GALNT8: variants seen among roughly 807,000 people sequenced by gnomAD.
GALNT8 encodes the protein probable polypeptide N-acetylgalactosaminyltransferase 8.
GALNT8 carries 66 observed loss-of-function variants against 62.7 expected under a neutral mutation model. The observed-to-expected ratio is 1.05, with a 90% CI of 0.86 to 1.29. The LOEUF (loss-of-function observed/expected upper bound fraction) is 1.29, where lower values mean the gene tolerates loss of function less well. Among genes scored for constraint, GALNT8 ranks in the 50% most tolerant of loss-of-function variants. The pLI is 0.00. For synonymous variants in GALNT8, 288 were observed against 294.3 expected (o/e 0.98, Z 0.22); for missense variants, 771 against 791.8 (o/e 0.97, Z 0.32).
At chr12:4,720,910 G>A (rs754387787) in intron 1 of GALNT8, 22 bp downstream of exon 1, 3 of 1,439,708 alleles carry the variant, frequency 2.1e-6, no homozygotes, top group Admixed American at 3.3e-5. Flanking sequence ...ATGCTAACCT[G>A]GAAGGTGTGT....
Position 4,765,527 on chromosome 12 carries a change from T to C in GALNT8, c.1742T>C (p.Ile581Thr). 6.2e-7 allele frequency: 1 copy of C among 1,601,418 alleles called. No individual in the cohort carries two copies. Among genetic ancestry groups the C allele is most frequent in the Non-Finnish European group, 8.5e-7 (1 of 1,176,694 alleles). The part of the protein sequence containing the change: ...CSKAAKNRLH[I>T]YWDFKPGGAV... The stretch of plus-strand genomic sequence containing the variant: ...AAGGCAGCTAAGAATAGACTGCATA[T>C]ATATTGGGATTTTAAACCGGTGAGT... The change falls in exon 10 of 11, where the codon ATA becomes ACA. Residue 581 changes from isoleucine to threonine, a missense_variant. Ile to Thr is a moderately conservative substitution (Grantham distance 89). Coordinates refer to ENST00000252318, the MANE Select transcript of GALNT8 (RefSeq NM_017417.2).
Position 4,746,126 on chromosome 12 carries a change from T to G in GALNT8, c.1059-18T>G. 3 of 1,433,214 alleles carry G rather than the reference T, an allele frequency of 2.1e-6. No individual in the cohort carries two copies. Among genetic ancestry groups the G allele is most frequent in the Non-Finnish European group, 3.0e-6 (3 of 1,014,844 alleles). The allele number at this position is 1,433,214 out of a possible 1,614,324, so 88.8% of individuals were successfully genotyped here. ...CTCCTTATGGAGAGATTAGTGACTC[T>G]TGCTGTGTGCTCTGTAGGAGTCCTT... On this transcript the variant is annotated intron_variant, in intron 5 of 10. Coordinates refer to ENST00000252318, the MANE Select transcript of GALNT8 (RefSeq NM_017417.2).
intron 10 of GALNT8, among the ~76,000 whole-genome samples, chr12:4,771,611 A>G (rs1379397029): frequency 6.6e-6 from 1 of 152,182 alleles, no homozygotes; most frequent in Non-Finnish European, 1.5e-5. Context: ...ACTAGCCATC[A>G]GAATGAATGT....
chr12:4,735,678 C>G (rs1441834487), intron 2 of GALNT8, among the ~76,000 whole-genome samples: 2 of 152,192 alleles, frequency 1.3e-5, no homozygotes, highest in East Asian at 3.9e-4. Context: ...CTCCAACTTG[C>G]TGTCAGAGTG....
In GALNT8 at chr12:4,743,108, C is replaced by T. The variant is rs543354040; in HGVS notation, c.677-1409C>T. On this transcript the variant is annotated intron_variant, in intron 3 of 10. Coordinates refer to ENST00000252318, the MANE Select transcript of GALNT8 (RefSeq NM_017417.2). Reference sequence around the variant, plus strand: ...CTTAAGCACTGATCTGCCTCAGGCTCCCAAAGTGCTGGGATTACAGGCATG... The same window carrying T: ...CTTAAGCACTGATCTGCCTCAGGCTTCCAAAGTGCTGGGATTACAGGCATG... Among the ~76,000 whole-genome samples, 24 of 152,342 alleles carry T rather than the reference C, an allele frequency of 1.6e-4. No homozygotes were observed. The South Asian group carries it at 5.0e-3, about 32-fold the overall frequency.
chr12:4,720,610 T>C lies in GALNT8; in HGVS notation c.-68T>C. The C allele has an allele frequency of 9.6e-7, 1 of 1,038,998 alleles. No individual in the cohort carries two copies. 64.4% of individuals were successfully genotyped at this position (1,038,998 alleles called of 1,614,324 possible). On this transcript the variant is annotated 5_prime_UTR_variant, in exon 1 of 11. It removes the in-frame stop codon of an upstream open reading frame in the 5' UTR. Transcript: ENST00000252318. ...TTTCCCACAAAAGCTAGGCTGGTTC[T>C]GATTCTTAACCTGCTCCAGCAGTGA...
intron 4 of GALNT8, 144 bp from the exon 5 acceptor site, chr12:4,745,285 T>G (rs1235464098): frequency 3.1e-6 from 2 of 642,238 alleles, no homozygotes; most frequent in Non-Finnish European, 5.6e-6. Flanking sequence ...CTCTGGACTC[T>G]AGAGAGTTCT....
chr12:4,768,811 T>C (rs1259181407), intron 10 of GALNT8, among the ~76,000 whole-genome samples: 1 of 152,234 alleles, frequency 6.6e-6, no homozygotes, highest in Non-Finnish European at 1.5e-5. Flanking sequence ...TGATACTTGA[T>C]TGAATGTTGG....
At chr12:4,729,704 C>T (rs898836084) in intron 2 of GALNT8, among the ~76,000 whole-genome samples, 18 of 152,104 alleles carry the variant, frequency 1.2e-4, no homozygotes, top group Non-Finnish European at 1.3e-4. Flanking sequence ...GGAGTGCAGT[C>T]TCTCTTCAAT....
intron 2 of GALNT8, among the ~76,000 whole-genome samples, 165 bp from the exon 3 acceptor site, chr12:4,738,997 TA>T (rs1212652420): frequency 1.3e-5 from 2 of 152,164 alleles, no homozygotes; most frequent in East Asian, 3.8e-4. Flanking sequence ...TAAATGAATA[TA>T]AAATCTTGCT....
rs182899101 is a variant in GALNT8, at chr12:4,724,599, C to T, written c.212-1933C>T. 3.1e-3 allele frequency among the ~76,000 whole-genome samples: 474 copies of T among 152,346 alleles called. 2 individuals are homozygous for T. The highest frequency in any genetic ancestry group is 6.8e-3 in the Middle Eastern group (2 of 292). ...GCTTAGGACAGAAAAGTATGAATAA[C>T]CATAGTGTTCCATCTGGGACACTGT... On this transcript the variant is annotated intron_variant, in intron 1 of 10. Coordinates refer to ENST00000252318, the MANE Select transcript of GALNT8 (RefSeq NM_017417.2).
At chr12:4,759,442 C>T (rs960704011) in intron 6 of GALNT8, among the ~76,000 whole-genome samples, 1 of 146,314 alleles carries the variant, frequency 6.8e-6, no homozygotes. Context: ...CTTATTCCAT[C>T]ATTGCACACC....
intron 3 of GALNT8, among the ~76,000 whole-genome samples, chr12:4,743,138 A>AC (rs1434225585): frequency 5.9e-5 from 9 of 152,232 alleles, no homozygotes; most frequent in African/African-American, 1.9e-4. Context: ...GGCATGAGCC[A>AC]CCATGCCCAC....
At chr12:4,762,396 G>T (rs1047085149) in intron 7 of GALNT8, among the ~76,000 whole-genome samples, 2 of 152,168 alleles carry the variant, frequency 1.3e-5, no homozygotes, top group Non-Finnish European at 2.9e-5. Flanking sequence ...TTCCTAATTT[G>T]CCTCTTTAGT....
At chr12:4,742,572 C>T (rs1001137851) in intron 3 of GALNT8, among the ~76,000 whole-genome samples, 1 of 152,062 alleles carries the variant, frequency 6.6e-6, no homozygotes, top group Non-Finnish European at 1.5e-5. Flanking sequence ...CGTGACAAAC[C>T]GAGTGAACCG....
Position 4,746,103 on chromosome 12 carries a change from C to T in GALNT8, c.1059-41C>T, listed in dbSNP as rs767696263. 5.9e-6 allele frequency: 7 copies of T among 1,178,256 alleles called. No homozygotes were observed. In the Admixed American group the frequency reaches 8.4e-5, roughly 14 times the overall value. 73.0% of individuals were successfully genotyped at this position (1,178,256 alleles called of 1,614,324 possible). On this transcript the variant is annotated intron_variant, in intron 5 of 10. Transcript: ENST00000252318. ...GAGCATCCCACCCCTCGCCTCCGCTCCTTATGGAGAGATTAGTGACTCTTG... is the reference window on the plus strand; with the variant it reads ...GAGCATCCCACCCCTCGCCTCCGCTTCTTATGGAGAGATTAGTGACTCTTG...
At chr12:4,747,570 T>G (rs1365699096) in intron 6 of GALNT8, among the ~76,000 whole-genome samples, 2 of 152,206 alleles carry the variant, frequency 1.3e-5, no homozygotes, top group Admixed American at 1.3e-4. Flanking sequence ...TTTTTATGGC[T>G]GAATAATACT....
intron 2 of GALNT8, among the ~76,000 whole-genome samples, chr12:4,737,955 A>G (rs1946253073): frequency 6.6e-6 from 1 of 152,224 alleles, no homozygotes; most frequent in Non-Finnish European, 1.5e-5. Flanking sequence ...TAAGTTACCC[A>G]GTCTCAGGTA....
At position 4,726,868 on chromosome 12, in the gene GALNT8, T is replaced by C. The variant is rs201362903; in HGVS notation, c.509+39T>C. 431 of 1,538,562 alleles carry C rather than the reference T, an allele frequency of 2.8e-4. 1 individual carries two copies. Among genetic ancestry groups the C allele is most frequent in the Non-Finnish European group, 3.6e-5 (41 of 1,131,940 alleles). On this transcript the variant is annotated intron_variant, in intron 2 of 10. Coordinates refer to ENST00000252318, the MANE Select transcript of GALNT8 (RefSeq NM_017417.2). This position sits in a 1 kb window ranked among gnomAD's most constrained non-coding sequence, Gnocchi z 4.1. ...GGCTTGGGCTTCTAGGGTCCTCAGT[T>C]TGATTTGAGGATGAGCTTTGGGAGC...
Sources: allele counts gnomAD v4.1 joint callset (sites outside exome capture counted in the v4.1 genomes callset), GRCh38; gene constraint gnomAD v4.1.1; non-coding constraint Gnocchi (gnomAD v3.1); transcripts MANE v1.5; gene names NCBI Gene and HGNC (gene_info 2026-07-23, HGNC 2026-07-21).